Variants in PCDHA8 observed in about 807,000 individuals in gnomAD.
PCDHA8 encodes protocadherin alpha 8, also known as protocadherin alpha-8.
PCDHA8 carries 53 observed loss-of-function variants against 61.8 expected under a neutral mutation model. That is an observed-to-expected ratio of 0.86 (90% CI 0.69 to 1.08). PCDHA8 has a LOEUF of 1.08. Among genes scored for constraint, PCDHA8 ranks in the 50% least tolerant of loss-of-function variants. The probability of loss-of-function intolerance (pLI) is 0.00; values close to 1 mark genes in which losing one functional copy is unlikely to be tolerated. For synonymous variants in PCDHA8, 618 were observed against 556.6 expected (o/e 1.11, Z -1.55); for missense variants, 1,293 against 1,245.0 (o/e 1.04, Z -0.58).
intron 1 of PCDHA8, chr5:140,852,854 AT>A: frequency 1.0e-6 from 1 of 963,700 alleles, no homozygotes; most frequent in Non-Finnish European, 1.3e-6. Context: ...CTTACTAAGC[AT>A]TTACTATGTC....
chr5:140,981,845 T>C (rs184071298), intron 2 of PCDHA8, among the ~76,000 whole-genome samples: 129 of 152,310 alleles, frequency 8.5e-4, no homozygotes, highest in Middle Eastern at 3.4e-3. Flanking sequence ...TCCCAGTTTG[T>C]ATCTCACTCC....
At chr5:140,958,696 G>A (rs1276859394) in intron 1 of PCDHA8, among the ~76,000 whole-genome samples, 1 of 152,156 alleles carries the variant, frequency 6.6e-6, no homozygotes, top group African/African-American at 2.4e-5. Flanking sequence ...ATATCCTAGA[G>A]TGACAACTCT....
At chr5:140,883,760 C>A in intron 1 of PCDHA8, 1 of 1,612,790 alleles carries the variant, frequency 6.2e-7, no homozygotes, top group Non-Finnish European at 8.5e-7. Flanking sequence ...GGTGGAGCGG[C>A]GGGTGGGCGA....
chr5:140,854,230 A>G (rs2043046050), intron 1 of PCDHA8: 3 of 629,370 alleles, frequency 4.8e-6, no homozygotes, highest in Admixed American at 1.3e-4. Flanking sequence ...CTACATTGGG[A>G]TATTTATGTT....
chr5:140,999,574 A>G (rs2097863527), intron 3 of PCDHA8, among the ~76,000 whole-genome samples: 1 of 152,170 alleles, frequency 6.6e-6, no homozygotes, highest in South Asian at 2.1e-4. Context: ...AAGAGACTAT[A>G]AAGGGAAATT....
intron 1 of PCDHA8, among the ~76,000 whole-genome samples, chr5:140,924,152 C>T (rs1163487854): frequency 6.6e-6 from 1 of 152,176 alleles, no homozygotes; most frequent in African/African-American, 2.4e-5. Context: ...TGAAGAAATG[C>T]ACATCCTAAT....
intron 1 of PCDHA8, among the ~76,000 whole-genome samples, chr5:140,919,029 A>C (rs1474107507): frequency 6.6e-6 from 1 of 152,126 alleles, no homozygotes; most frequent in Non-Finnish European, 1.5e-5. Flanking sequence ...TCTTCTGCCT[A>C]GTTGTTGTCC....
chr5:140,993,934 C>T (rs936977793), intron 3 of PCDHA8, among the ~76,000 whole-genome samples: 5 of 152,044 alleles, frequency 3.3e-5, no homozygotes, highest in African/African-American at 1.2e-4. Context: ...AGAACATATC[C>T]CCATTGTTAA....
intron 1 of PCDHA8, chr5:140,882,457 G>C: frequency 1.2e-6 from 2 of 1,614,056 alleles, no homozygotes; most frequent in Non-Finnish European, 1.7e-6. Context: ...TGCCGCGCCT[G>C]TTCCGGGTGG....
chr5:140,921,129 C>T (rs998046424), intron 1 of PCDHA8, among the ~76,000 whole-genome samples: 1 of 139,232 alleles, frequency 7.2e-6, no homozygotes, highest in South Asian at 2.4e-4. Context: ...TACAGGTGCA[C>T]ACCACTACAC....
intron 1 of PCDHA8, among the ~76,000 whole-genome samples, chr5:140,897,278 A>C (rs993702418): frequency 1.1e-4 from 16 of 151,088 alleles, no homozygotes; most frequent in Non-Finnish European, 1.8e-4. Context: ...GGTGTGCTGC[A>C]CCCATTAACT....
intron 1 of PCDHA8, among the ~76,000 whole-genome samples, chr5:140,952,125 A>G (rs1027710629): frequency 6.6e-6 from 1 of 152,092 alleles, no homozygotes; most frequent in African/African-American, 2.4e-5. Context: ...TGGGCTCCCA[A>G]GGCCTTGGGA....
chr5:140,841,198 C>A lies in PCDHA8; in HGVS notation c.-124C>A. 7.8e-7 allele frequency: 1 copy of A among 1,281,352 alleles called. No homozygotes were observed. The highest frequency in any genetic ancestry group is 1.1e-6 in the Non-Finnish European group (1 of 931,436). 79.4% of individuals were successfully genotyped at this position (1,281,352 alleles called of 1,614,324 possible). Reference sequence around the variant, plus strand: ...TCAATGTTCAAAGTCTTTTCTCTGACAGCATCTGTCTCTAAAGGCCGAACA... The same window carrying A: ...TCAATGTTCAAAGTCTTTTCTCTGAAAGCATCTGTCTCTAAAGGCCGAACA... On this transcript the variant is annotated 5_prime_UTR_variant, in exon 1 of 4. Coordinates refer to ENST00000531613, the MANE Select transcript of PCDHA8 (RefSeq NM_018911.3).
chr5:140,895,885 C>T (rs2065231883), intron 1 of PCDHA8, among the ~76,000 whole-genome samples: 1 of 152,174 alleles, frequency 6.6e-6, no homozygotes, highest in South Asian at 2.1e-4. Context: ...GATCTCGGCT[C>T]ACTGCAACCT....
At chr5:140,844,657 C>A (rs1252310311) in intron 1 of PCDHA8, among the ~76,000 whole-genome samples, 1 of 149,150 alleles carries the variant, frequency 6.7e-6, no homozygotes, top group Non-Finnish European at 1.5e-5. Context: ...TCTTGCAAAC[C>A]AAACATATAA....
In PCDHA8 at chr5:140,850,658, G is replaced by T. The variant is rs2150492440; in HGVS notation, c.2394+6943G>T. On this transcript the variant is annotated intron_variant, in intron 1 of 3. Transcript: ENST00000531613. The stretch of plus-strand genomic sequence containing the variant: ...TCACGCTGCTGCTGTACACTGTGCT[G>T]CGGTGCTCGGCGATGCCCACCGAGG... 24 of 1,598,502 alleles carry T rather than the reference G, an allele frequency of 1.5e-5. 1 individual carries two copies. Among genetic ancestry groups the T allele is most frequent in the African/African-American group, 5.4e-5 (4 of 74,388 alleles).
rs59860837 is a variant in PCDHA8 at position 141,005,701 on chromosome 5, C to CAAAAA, written c.2543-3900_2543-3896dup. 5.2e-3 allele frequency among the ~76,000 whole-genome samples: 40 copies of CAAAAA among 7,764 alleles called. 2 individuals are homozygous for CAAAAA. Among genetic ancestry groups the CAAAAA allele is most frequent in the East Asian group, 0.013 (4 of 312 alleles). The allele number at this position is 7,764 out of a possible 152,430, so 5.1% of individuals were successfully genotyped here. On this transcript the variant is annotated intron_variant, in intron 3 of 3. Coordinates refer to ENST00000531613, the MANE Select transcript of PCDHA8 (RefSeq NM_018911.3). ...TGGGCGACAGAGCGAAACTCCGTCT[C>CAAAAA]AAAAAAAAAAAAAAAAAAAAAAAAA...
chr5:140,897,949 G>A (rs2066421771), intron 1 of PCDHA8, among the ~76,000 whole-genome samples: 2 of 152,308 alleles, frequency 1.3e-5, no homozygotes, highest in African/African-American at 2.4e-5. Context: ...GTGATGATTA[G>A]CATTTTTTCA....
chr5:140,883,761 G>C, intron 1 of PCDHA8: 1 of 1,612,908 alleles, frequency 6.2e-7, no homozygotes, highest in Non-Finnish European at 8.5e-7. Flanking sequence ...GTGGAGCGGC[G>C]GGTGGGCGAG....
Sources: allele counts gnomAD v4.1 joint callset (sites outside exome capture counted in the v4.1 genomes callset), GRCh38; gene constraint gnomAD v4.1.1; transcripts MANE v1.5; gene names NCBI Gene and HGNC (gene_info 2026-07-23, HGNC 2026-07-21).